TAT: variants seen among roughly 807,000 people sequenced by gnomAD.
TAT encodes the protein tyrosine aminotransferase, also known as L-tyrosine:2-oxoglutarate aminotransferase.
TAT carries 35 observed loss-of-function variants against 53.6 expected under a neutral mutation model. The ratio of observed to expected loss-of-function variants is 0.65; its 90% CI spans 0.50 to 0.87. TAT has a LOEUF of 0.87. TAT is among the 40% of genes least tolerant of loss of function. The pLI is 0.00. For synonymous variants in TAT, 197 were observed against 206.5 expected, an observed-to-expected ratio of 0.95 and a Z score of 0.39; for missense variants, 525 against 571.8, an observed-to-expected ratio of 0.92 and a Z score of 0.83.
chr16:71,576,798 C>T (rs182126396), intron 1 of TAT, among the ~76,000 whole-genome samples: 2 of 152,172 alleles, frequency 1.3e-5, no homozygotes, highest in Non-Finnish European at 2.9e-5. Flanking sequence ...GAAAATCTAC[C>T]TAATGCTTCT....
At chr16:71,574,270 AG>A (rs1377825919) in intron 3 of TAT, among the ~76,000 whole-genome samples, 2 of 152,154 alleles carry the variant, frequency 1.3e-5, no homozygotes, top group African/African-American at 4.8e-5. Context: ...AATCTTTTTT[AG>A]GGACTGTATT....
chr16:71,572,024 G>T, intron 6 of TAT, 162 bp downstream of exon 6: 1 of 872,656 alleles, frequency 1.1e-6, no homozygotes, highest in Non-Finnish European at 1.8e-6. Context: ...TTTTAGGCCA[G>T]GCCTACCACT....
Position 71,568,723 on chromosome 16 carries a change from G to A in TAT, c.1212C>T (p.Cys404=), listed in dbSNP as rs779853794. 6.2e-7 allele frequency: 1 copy of A among 1,613,478 alleles called. No homozygotes were observed. The highest frequency in any genetic ancestry group is 1.1e-5 in the South Asian group (1 of 90,906). ...ERLVAEQSVH[C]LPATCFEYPN... ...CACAGGCACCCACCGTTGCTGGGAG[G>A]CAGTGGACAGACTGCTCAGCAACTA... is the stretch of plus-strand genomic sequence containing the variant. The change falls in exon 11 of 12, where the codon TGC becomes TGT. Residue 404 remains cysteine (C), a synonymous_variant. Transcript: ENST00000355962.
At chr16:71,575,000 T>C (rs1464414964) in intron 3 of TAT, 3 of 152,196 alleles carry the variant, frequency 2.0e-5, no homozygotes, top group Non-Finnish European at 4.4e-5. Flanking sequence ...AAATGGAGAC[T>C]TGGTTTTGGT....
At position 71,565,701 on chromosome 16, in the gene TAT, G is replaced by GCGCA. The variant is rs2044158255; in HGVS notation, c.*2442_*2443insTGCG. Reference sequence around the variant, plus strand: ...TACTTTATTTGAAAAAATGAAAAGTGCACACACACACACACACACACACAC... The same window carrying GCGCA: ...TACTTTATTTGAAAAAATGAAAAGTGCGCACACACACACACACACACACACACAC... On this transcript the variant is annotated 3_prime_UTR_variant, in exon 12 of 12. Transcript: ENST00000355962. 6.7e-6 allele frequency: 1 copy of GCGCA among 148,934 alleles called. No individual in the cohort carries two copies. The highest frequency in any genetic ancestry group is 1.5e-5 in the Non-Finnish European group (1 of 67,464). 9.2% of individuals were successfully genotyped at this position (148,934 alleles called of 1,614,324 possible). A position where few individuals can be genotyped will look rare whatever the true frequency, so the allele number is the denominator to read the frequency against.
chr16:71,575,211 G>T (rs1174307392), intron 3 of TAT: 2 of 152,016 alleles, frequency 1.3e-5, no homozygotes, highest in Non-Finnish European at 2.9e-5. Context: ...ATGAAACTGG[G>T]GTTTTATTCT....
In TAT at chr16:71,572,542, G is replaced by C. The variant is rs1380448846; in HGVS notation, c.555C>G (p.Leu185=). The part of the protein sequence containing the change: ...LAESMGIEVK[L]YNLLPEKSWE... ...AAAAGTCATTTACCAACAAATTGTA[G>C]AGTTTGACCTCAATTCCCATAGACT... The change falls in exon 5 of 12, where the codon CTC becomes CTG. Residue 185 remains leucine, a synonymous_variant. Transcript: ENST00000355962. 1.7e-5 allele frequency: 28 copies of C among 1,614,200 alleles called. No individual in the cohort carries two copies. The highest frequency in any genetic ancestry group is 2.3e-5 in the Non-Finnish European group (27 of 1,180,036).
At chr16:71,570,134 T>C (rs2044190984) in intron 9 of TAT, 135 bp downstream of exon 9, 2 of 1,449,410 alleles carry the variant, frequency 1.4e-6, no homozygotes, top group Non-Finnish European at 1.9e-6. Flanking sequence ...GAAACGTGTG[T>C]GTGGATGCTT....
intron 10 of TAT, 136 bp from the exon 11 acceptor site, chr16:71,568,945 G>T (rs1384112592): frequency 4.2e-6 from 3 of 706,444 alleles, no homozygotes; most frequent in Admixed American, 2.1e-5. Context: ...AAATAAGAGG[G>T]CTAATATTTA....
At chr16:71,570,026 G>T in intron 9 of TAT, 89 bp from the exon 10 acceptor site, 1 of 1,366,970 alleles carries the variant, frequency 7.3e-7, no homozygotes, top group Non-Finnish European at 1.0e-6. Flanking sequence ...ATTGAAGAGT[G>T]GGAACGTAGG....
intron 3 of TAT, among the ~76,000 whole-genome samples, chr16:71,574,193 T>C (rs2044222121): frequency 6.6e-6 from 1 of 152,262 alleles, no homozygotes; most frequent in Non-Finnish European, 1.5e-5. Context: ...CCCCAAATAC[T>C]CTGCACCATC....
Position 71,573,440 on chromosome 16 carries a change from T to C in TAT, c.408+99A>G. 3.6e-6 allele frequency: 4 copies of C among 1,121,876 alleles called. No individual in the cohort carries two copies. In the Admixed American group the frequency reaches 8.0e-5, roughly 22 times the overall value. 69.5% of individuals were successfully genotyped at this position (1,121,876 alleles called of 1,614,324 possible). A position where few individuals can be genotyped will look rare whatever the true frequency, so the allele number is the denominator to read the frequency against. On this transcript the variant is annotated intron_variant, in intron 4 of 11. Coordinates refer to ENST00000355962, the MANE Select transcript of TAT (RefSeq NM_000353.3). ...CTAAAGGGAAATTGTTCTCAGCTTT[T>C]CCCCCTCTGACACCCGTACTTCTTG...
rs2044164485 is a variant in TAT, at chr16:71,566,566, T to C, written c.*1578A>G. ...TGACCTAGTGAGTGGTTAGTGGATATAGGCAAGCGTAGTAACTTGGGACCA... is the reference window on the plus strand; with the variant it reads ...TGACCTAGTGAGTGGTTAGTGGATACAGGCAAGCGTAGTAACTTGGGACCA... On this transcript the variant is annotated 3_prime_UTR_variant, in exon 12 of 12. Transcript: ENST00000355962. 1 of 150,180 alleles carries C rather than the reference T, an allele frequency of 6.7e-6. No homozygotes were observed. Among genetic ancestry groups the C allele is most frequent in the Non-Finnish European group, 1.5e-5 (1 of 67,886 alleles). 9.3% of individuals were successfully genotyped at this position (150,180 alleles called of 1,614,324 possible).
At position 71,567,794 on chromosome 16, in the gene TAT, C is replaced by A. The variant is rs555279989; in HGVS notation, c.*350G>T. 8.7e-4 allele frequency: 286 copies of A among 329,356 alleles called. 2 individuals are homozygous for A. The highest frequency in any genetic ancestry group is 3.6e-4 in the Non-Finnish European group (61 of 170,686). 20.4% of individuals were successfully genotyped at this position (329,356 alleles called of 1,614,324 possible). A position where few individuals can be genotyped will look rare whatever the true frequency, so the allele number is the denominator to read the frequency against. On this transcript the variant is annotated 3_prime_UTR_variant, in exon 12 of 12. Coordinates refer to ENST00000355962, the MANE Select transcript of TAT (RefSeq NM_000353.3). ...GGGCACAAATTCTCTCAATCTTTTT[C>A]TTTTCCCTCATCCTGAGCTCTTATT...
intron 5 of TAT, 32 bp downstream of exon 5, chr16:71,572,498 G>A (rs1405231951): frequency 6.2e-7 from 1 of 1,613,626 alleles, no homozygotes; most frequent in African/African-American, 1.3e-5. Flanking sequence ...TAGTAACTGA[G>A]CATTTGAGTC....
intron 4 of TAT, among the ~76,000 whole-genome samples, chr16:71,572,990 TTGAAGCC>T (rs1463828750): frequency 1.3e-5 from 2 of 152,204 alleles, no homozygotes; most frequent in Non-Finnish European, 2.9e-5. Context: ...GGCCAGAGAT[TTGAAGCC>T]TGGCTCTTCG....
In TAT at chr16:71,573,615, A is replaced by C; in HGVS notation, c.341-9T>G. 3 of 1,551,930 alleles carry C rather than the reference A, an allele frequency of 1.9e-6. No individual in the cohort carries two copies. Among genetic ancestry groups the C allele is most frequent in the South Asian group, 1.2e-5 (1 of 84,066 alleles). ...CCGACTGGATAGGAAGCCTGAAAGA[A>C]AAGAGTGGAAAGTGGAGCTTTTTTG... On this transcript the variant is annotated splice_polypyrimidine_tract_variant and intron_variant, in intron 3 of 11. Coordinates refer to ENST00000355962, the MANE Select transcript of TAT (RefSeq NM_000353.3).
chr16:71,571,746 G>A (rs181821481), intron 6 of TAT, 88 bp from the exon 7 acceptor site: 40 of 1,268,816 alleles, frequency 3.2e-5, no homozygotes, highest in Middle Eastern at 1.9e-4. Context: ...TCCCTATCCC[G>A]TAATATTAAG....
chr16:71,576,093 A>G, intron 2 of TAT, 67 bp from the exon 3 acceptor site: 1 of 1,607,844 alleles, frequency 6.2e-7, no homozygotes. Context: ...ACTCAGACTC[A>G]CCCCCAACTG....
Sources: gnomAD v4.1 joint callset for allele counts (sites outside exome capture counted in the v4.1 genomes callset) on GRCh38, gnomAD v4.1.1 for gene constraint, MANE v1.5 for transcripts, NCBI Gene and HGNC (gene_info 2026-07-23, HGNC 2026-07-21) for gene names.